Variants in RIPOR2 observed in about 807,000 individuals in gnomAD.
The protein encoded by RIPOR2 is RHO family interacting cell polarization regulator 2.
A neutral mutation model predicts 114.5 loss-of-function variants in RIPOR2; 39 were observed. The observed-to-expected ratio is 0.34, with a 90% CI of 0.26 to 0.44. The LOEUF (loss-of-function observed/expected upper bound fraction) is 0.44, where lower values mean the gene tolerates loss of function less well. Among genes scored for constraint, RIPOR2 ranks in the 20% least tolerant of loss-of-function variants. The probability of loss-of-function intolerance (pLI) is 1.00; values close to 1 mark genes in which losing one functional copy is unlikely to be tolerated. For synonymous variants in RIPOR2, 445 were observed against 484.4 expected, an observed-to-expected ratio of 0.92 and a Z score of 1.07; for missense variants, 1,007 against 1,255.1, an observed-to-expected ratio of 0.80 and a Z score of 2.99.
At chr6:24,837,965 A>G (rs1387798257) in intron 14 of RIPOR2, among the ~76,000 whole-genome samples, 1 of 152,214 alleles carries the variant, frequency 6.6e-6, no homozygotes, top group Non-Finnish European at 1.5e-5. Context: ...TGAGCGGGCA[A>G]TCCACCCCCA....
chr6:24,926,883 C>T (rs139447607), intron 1 of RIPOR2, among the ~76,000 whole-genome samples: 235 of 151,748 alleles, frequency 1.5e-3, no homozygotes, highest in African/African-American at 3.7e-3. Flanking sequence ...GCATCATCAG[C>T]ATCATCTTCA....
chr6:24,915,516 C>A (rs1326220140), intron 1 of RIPOR2, among the ~76,000 whole-genome samples: 1 of 152,088 alleles, frequency 6.6e-6, no homozygotes, highest in South Asian at 2.1e-4. Context: ...AGGCACCCGC[C>A]ACCACTCCCA....
intron 1 of RIPOR2, among the ~76,000 whole-genome samples, chr6:24,926,048 A>G (rs1770838114): frequency 6.6e-6 from 1 of 152,206 alleles, no homozygotes; most frequent in African/African-American, 2.4e-5. Flanking sequence ...AAACACCACT[A>G]GAGGGAACAT....
chr6:24,887,376 C>T (rs1360376457), intron 1 of RIPOR2, among the ~76,000 whole-genome samples: 11 of 152,102 alleles, frequency 7.2e-5, no homozygotes, highest in Admixed American at 7.2e-4. Context: ...TCTCTCTAAG[C>T]CCTAATTTTT....
chr6:24,933,842 G>T (rs1771572484), intron 1 of RIPOR2, among the ~76,000 whole-genome samples: 1 of 152,026 alleles, frequency 6.6e-6, no homozygotes, highest in Non-Finnish European at 1.5e-5. Context: ...GAGCTAGCTG[G>T]TTACCTAGCT....
intron 1 of RIPOR2, among the ~76,000 whole-genome samples, chr6:25,003,039 G>A (rs1486943309): frequency 6.6e-6 from 1 of 152,170 alleles, no homozygotes; most frequent in Non-Finnish European, 1.5e-5. Context: ...ATATTCCATG[G>A]AACATTTTAT....
chr6:24,990,235 C>A (rs145664619), intron 1 of RIPOR2, among the ~76,000 whole-genome samples: 1 of 152,104 alleles, frequency 6.6e-6, no homozygotes, highest in Non-Finnish European at 1.5e-5. Flanking sequence ...TCTCAGTGTG[C>A]TGAAAAGATA....
chr6:24,877,101 A>T (rs1765857484), intron 1 of RIPOR2: 1 of 985,458 alleles, frequency 1.0e-6, no homozygotes. Flanking sequence ...TTAAAGACTC[A>T]AAGAAAGAAA....
chr6:24,934,620 T>TA (rs1561790675), intron 1 of RIPOR2, among the ~76,000 whole-genome samples: 1 of 152,236 alleles, frequency 6.6e-6, no homozygotes, highest in Non-Finnish European at 1.5e-5. Flanking sequence ...CTGTTCCTTT[T>TA]AAAAAATTAC....
In RIPOR2 at chr6:24,875,156, C is replaced by T. The variant is rs773419838; in HGVS notation, c.188+535G>A. ...CATAGGGCCCCTCAGAGGGCAAAGA[C>T]CTTTATGATAACAGAAAAACTGAAG... On this transcript the variant is annotated intron_variant, in intron 2 of 21. Transcript: ENST00000643898. 7.2e-5 allele frequency among the ~76,000 whole-genome samples: 11 copies of T among 152,334 alleles called. No homozygotes were observed. The South Asian group carries it at 2.3e-3, about 32-fold the overall frequency.
rs1266129111 is a variant in RIPOR2 at position 25,008,291 on chromosome 6, C to T, written c.76+33560G>A. ...TCGGCCTCCCAAAGTGCTGGGATTA[C>T]AGGCGTGAGCCACCGTGCCCAGCTA... On this transcript the variant is annotated intron_variant, in intron 1 of 13. Transcript: ENST00000510784. 1.2e-4 allele frequency among the ~76,000 whole-genome samples: 19 copies of T among 152,218 alleles called. No individual in the cohort carries two copies. In the East Asian group the frequency reaches 3.5e-3, roughly 28 times the overall value.
At chr6:24,850,249 C>T (rs893813620) in intron 10 of RIPOR2, among the ~76,000 whole-genome samples, 5 of 150,818 alleles carry the variant, frequency 3.3e-5, no homozygotes, top group African/African-American at 1.2e-4. Flanking sequence ...GGCACACGGA[C>T]CACGTCTGGC....
intron 1 of RIPOR2, among the ~76,000 whole-genome samples, chr6:24,984,269 G>A (rs1218501934): frequency 2.6e-5 from 4 of 152,166 alleles, no homozygotes; most frequent in South Asian, 2.1e-4. Context: ...GGCTGAGTCC[G>A]AAAAGAGAGT....
At chr6:24,976,591 T>G (rs189127763) in intron 1 of RIPOR2, 1 of 1,605,310 alleles carries the variant, frequency 6.2e-7, no homozygotes, top group African/African-American at 1.3e-5. Flanking sequence ...AGCAGAAAAT[T>G]TTCGTGCTCT....
chr6:24,974,564 G>A (rs1168399909), intron 1 of RIPOR2, among the ~76,000 whole-genome samples: 2 of 152,164 alleles, frequency 1.3e-5, no homozygotes, highest in Non-Finnish European at 2.9e-5. Flanking sequence ...CATTGCTGGT[G>A]GGAATGTAAA....
intron 2 of RIPOR2, among the ~76,000 whole-genome samples, chr6:24,874,187 C>T (rs1765489870): frequency 1.3e-5 from 2 of 152,190 alleles, no homozygotes. Flanking sequence ...TGCACCACCA[C>T]ACCTGGCTAA....
rs1187178068 is a variant in RIPOR2 at position 25,041,252 on chromosome 6, T to A, written c.76+599A>T. ...TAAAAACAGACACACACAAATTTGT[T>A]ACTTGTTCATGAGAAATGGTCTTGG... On this transcript the variant is annotated intron_variant, in intron 1 of 13. Transcript: ENST00000510784. Among the ~76,000 whole-genome samples, 4 of 152,358 alleles carry A rather than the reference T, an allele frequency of 2.6e-5. No individual in the cohort carries two copies. In the East Asian group the frequency reaches 7.7e-4, roughly 29 times the overall value.
intron 1 of RIPOR2, among the ~76,000 whole-genome samples, chr6:24,969,759 C>A (rs1773694803): frequency 6.6e-6 from 1 of 152,154 alleles, no homozygotes; most frequent in South Asian, 2.1e-4. Flanking sequence ...TGCCCTGCCC[C>A]TTACTGTACC....
intron 1 of RIPOR2, among the ~76,000 whole-genome samples, chr6:24,950,453 G>T (rs1008606700): frequency 2.6e-5 from 4 of 152,128 alleles, no homozygotes; most frequent in African/African-American, 9.7e-5. Context: ...ACTTTATGAT[G>T]ACAATATTAA....
Sources: allele counts gnomAD v4.1 joint callset (sites outside exome capture counted in the v4.1 genomes callset), GRCh38; gene constraint gnomAD v4.1.1; transcripts MANE v1.5; gene names NCBI Gene and HGNC (gene_info 2026-07-23, HGNC 2026-07-21).